UBR2: variants seen among roughly 807,000 people sequenced by gnomAD.
UBR2 encodes the protein ubiquitin protein ligase E3 component n-recognin 2.
A neutral mutation model predicts 247.9 loss-of-function variants in UBR2; 92 were observed. The ratio of observed to expected loss-of-function variants is 0.37; its 90% CI spans 0.31 to 0.44. The LOEUF is 0.44. UBR2 is among the 20% of genes least tolerant of loss of function. UBR2 has a pLI of 1.00. For missense variants in UBR2, 1,613 were observed against 2,112.6 expected (o/e 0.76, Z 4.64); for synonymous variants, 672 against 693.5 (o/e 0.97, Z 0.49).
At chr6:42,664,337 TCA>T (rs1797990964) in intron 32 of UBR2, 1 of 152,248 alleles carries the variant, frequency 6.6e-6, no homozygotes, top group African/African-American at 2.4e-5. Flanking sequence ...TTCTGTAACT[TCA>T]CAGTTTTTTG....
intron 1 of UBR2, among the ~76,000 whole-genome samples, chr6:42,570,445 G>GCC (rs1482002896): frequency 3.9e-5 from 6 of 151,994 alleles, no homozygotes; most frequent in African/African-American, 7.2e-5. Flanking sequence ...GTTGGCCATG[G>GCC]TGGTCTCGAA....
At chr6:42,616,349 C>G (rs1794550187) in intron 10 of UBR2, among the ~76,000 whole-genome samples, 1 of 151,820 alleles carries the variant, frequency 6.6e-6, no homozygotes, top group African/African-American at 2.4e-5. Flanking sequence ...GAGTTTAAAC[C>G]TATGCCATTG....
At chr6:42,674,350 T>A (rs572471820) in intron 38 of UBR2, among the ~76,000 whole-genome samples, 157 bp downstream of exon 38, 92 of 152,336 alleles carry the variant, frequency 6.0e-4, no homozygotes, top group Non-Finnish European at 9.0e-4. Context: ...AAGAAAATAT[T>A]TAGGAACCTA....
At chr6:42,600,478 A>AACATTCGT in intron 4 of UBR2, among the ~76,000 whole-genome samples, 1 of 152,218 alleles carries the variant, frequency 6.6e-6, no homozygotes, top group African/African-American at 2.4e-5. Flanking sequence ...TTACCATCAT[A>AACATTCGT]ACATTCGTAG....
intron 34 of UBR2, among the ~76,000 whole-genome samples, chr6:42,669,217 C>G (rs1004135483): frequency 5.3e-5 from 8 of 152,178 alleles, no homozygotes; most frequent in Admixed American, 5.2e-4. Context: ...AGCCACCGCA[C>G]CCAGGCTTGT....
At chr6:42,688,592 C>T (rs565790659) in intron 45 of UBR2, among the ~76,000 whole-genome samples, 24 of 152,310 alleles carry the variant, frequency 1.6e-4, no homozygotes, top group African/African-American at 5.8e-4. Flanking sequence ...ACCATTCCCA[C>T]TCCTCTTCCC....
At chr6:42,686,732 G>C (rs1582739098) in intron 44 of UBR2, among the ~76,000 whole-genome samples, 1 of 151,746 alleles carries the variant, frequency 6.6e-6, no homozygotes, top group East Asian at 2.0e-4. Context: ...GGACGGGGCA[G>C]CTGGCCGGGT....
chr6:42,611,799 G>A (rs1305207155), intron 7 of UBR2, among the ~76,000 whole-genome samples: 1 of 151,810 alleles, frequency 6.6e-6, no homozygotes, highest in East Asian at 1.9e-4. Flanking sequence ...CCAGCTCCTT[G>A]GGAGGCTGAG....
At chr6:42,667,587 CTTTTTTTTTTTT>C (rs1161068427) in intron 34 of UBR2, among the ~76,000 whole-genome samples, 1 of 47,428 alleles carries the variant, frequency 2.1e-5, no homozygotes, top group Admixed American at 4.0e-4. Context: ...ACAGTTTTGT[CTTTTTTTTTTTT>C]TTTTTTTTTT....
In UBR2 at chr6:42,662,208, AC is replaced by A. The variant is rs1213586804; in HGVS notation, c.3470del (p.Pro1157LeufsTer47). 6.2e-7 allele frequency: 1 copy of A among 1,608,724 alleles called. No individual in the cohort carries two copies. Among genetic ancestry groups the A allele is most frequent in the Non-Finnish European group, 8.5e-7 (1 of 1,177,850 alleles). On this transcript the variant is annotated frameshift_variant, in exon 31 of 47. Coordinates refer to ENST00000372901, the MANE Select transcript of UBR2 (RefSeq NM_001363705.2). LOFTEE classifies it high-confidence loss of function. Reference protein sequence around the residue: ...DPEKYDPLFMHPDLSCGTHTS... With the variant: ...DPEKYDPLFMXPDLSCGTHTS... ...GAAAAATATGATCCATTATTCATGC[AC>A]CCTGATCTGTCTTGTGGAACACACA...
chr6:42,574,153 AT>A (rs1429124194), intron 2 of UBR2, among the ~76,000 whole-genome samples, 160 bp downstream of exon 2: 1 of 152,308 alleles, frequency 6.6e-6, no homozygotes, highest in Admixed American at 6.5e-5. Flanking sequence ...TAAAGCAAAC[AT>A]TTTTGTAATT....
intron 1 of UBR2, among the ~76,000 whole-genome samples, chr6:42,568,305 A>T (rs996301029): frequency 5.3e-5 from 8 of 151,628 alleles, no homozygotes; most frequent in African/African-American, 1.7e-4. Flanking sequence ...TCACACCTAA[A>T]CTCCTGAGGT....
At chr6:42,640,176 G>A (rs1452373009) in intron 15 of UBR2, 33 bp from the exon 16 acceptor site, 2 of 1,563,730 alleles carry the variant, frequency 1.3e-6, no homozygotes, top group African/African-American at 1.4e-5. Flanking sequence ...TTTACTGATA[G>A]AAATACTGTT....
chr6:42,619,445 A>AGT (rs1794803847), intron 11 of UBR2: 1 of 31,942 alleles, frequency 3.1e-5, no homozygotes, highest in Non-Finnish European at 6.0e-5. Context: ...ATATATATAT[A>AGT]TATATATATT....
At chr6:42,582,921 G>A (rs1248459653) in intron 2 of UBR2, among the ~76,000 whole-genome samples, 2 of 151,464 alleles carry the variant, frequency 1.3e-5, no homozygotes, top group Admixed American at 6.6e-5. Context: ...CCTTAATGAC[G>A]ATTTTCCATG....
intron 2 of UBR2, among the ~76,000 whole-genome samples, chr6:42,575,783 C>G (rs1333979721): frequency 6.6e-6 from 1 of 152,140 alleles, no homozygotes; most frequent in African/African-American, 2.4e-5. Flanking sequence ...CAAGACTTCT[C>G]CACTGTAATG....
chr6:42,645,641 A>G (rs3749900), intron 21 of UBR2, 51 bp downstream of exon 21: 345,723 of 1,580,042 alleles, frequency 0.22, 39,018 homozygotes, highest in Middle Eastern at 0.26. Context: ...TTCCCTGCCT[A>G]TCAGTCTAGT....
intron 22 of UBR2, 127 bp from the exon 23 acceptor site, chr6:42,650,157 T>C: frequency 1.5e-6 from 1 of 681,424 alleles, no homozygotes; most frequent in Non-Finnish European, 2.4e-6. Context: ...CCACTGAAAA[T>C]AGTTGTAGCT....
Position 42,645,450 on chromosome 6 carries a change from T to G in UBR2, c.2285-16T>G. The G allele has an allele frequency of 6.2e-7, 1 of 1,610,326 alleles. No homozygotes were observed. The highest frequency in any genetic ancestry group is 8.5e-7 in the Non-Finnish European group (1 of 1,178,086). ...TATGTTAAATGTATGTATATGTACT[T>G]TTCCATTTTTGACAGGAGAGAGATT... On this transcript the variant is annotated splice_polypyrimidine_tract_variant and intron_variant, in intron 20 of 46. Transcript: ENST00000372901.
Sources: gnomAD v4.1 joint callset for allele counts (sites outside exome capture counted in the v4.1 genomes callset) on GRCh38, gnomAD v4.1.1 for gene constraint, MANE v1.5 for transcripts, NCBI Gene and HGNC (gene_info 2026-07-23, HGNC 2026-07-21) for gene names.